Variants in NME7 observed in about 807,000 individuals in gnomAD.
NME7 encodes NME/NM23 family member 7, also known as nucleoside diphosphate kinase 7.
A neutral mutation model predicts 49.1 loss-of-function variants in NME7; 41 were observed. That is an observed-to-expected ratio of 0.83 (90% CI 0.65 to 1.08). NME7 has a LOEUF of 1.08. Ranked by LOEUF, NME7 falls within the 50% of genes least tolerant of loss-of-function variation. The pLI is 0.00. For synonymous variants in NME7, 139 were observed against 150.6 expected (o/e 0.92, Z 0.56); for missense variants, 423 against 463.4 (o/e 0.91, Z 0.80).
chr1:169,299,355 T>C (rs1466715112), intron 5 of NME7, among the ~76,000 whole-genome samples: 1 of 152,154 alleles, frequency 6.6e-6, no homozygotes, highest in Non-Finnish European at 1.5e-5. Flanking sequence ...TATTAAATTA[T>C]TAAAGTGTAC....
At chr1:169,140,239 A>G (rs1001878041) in intron 11 of NME7, among the ~76,000 whole-genome samples, 5 of 152,184 alleles carry the variant, frequency 3.3e-5, no homozygotes, top group South Asian at 2.1e-4. Context: ...AAACTTTTCT[A>G]TAAGTCTGAA....
chr1:169,276,106 T>C, intron 7 of NME7, among the ~76,000 whole-genome samples: 1 of 119,040 alleles, frequency 8.4e-6, no homozygotes, highest in Non-Finnish European at 2.0e-5. Flanking sequence ...TTATTGAGGA[T>C]TTTTGCATCA....
chr1:169,301,769 T>C (rs912179249), intron 5 of NME7, among the ~76,000 whole-genome samples: 1 of 152,086 alleles, frequency 6.6e-6, no homozygotes, highest in African/African-American at 2.4e-5. Context: ...TCCTTGGCAA[T>C]AATATGGACA....
rs1660217356 is a variant in NME7, at chr1:169,191,109, G to A, written c.991-21555C>T. ...TTACAGGCGTGAGCCACCGCGCCCG[G>A]CCGCAAGTGAACTGTTTCTAAGAAA... On this transcript the variant is annotated intron_variant, in intron 10 of 11. Transcript: ENST00000367811. Among the ~76,000 whole-genome samples the A allele has an allele frequency of 1.3e-5, 2 of 151,824 alleles. 1 individual carries two copies. Among genetic ancestry groups the A allele is most frequent in the South Asian group, 4.2e-4 (2 of 4,818 alleles).
intron 1 of NME7, among the ~76,000 whole-genome samples, chr1:169,339,678 T>C (rs1652611684): frequency 1.3e-5 from 2 of 152,206 alleles, no homozygotes; most frequent in Admixed American, 1.3e-4. Context: ...ATTTTCCATT[T>C]GTCATTTTCC....
intron 6 of NME7, among the ~76,000 whole-genome samples, chr1:169,296,703 C>T (rs1650722376): frequency 6.6e-6 from 1 of 152,040 alleles, no homozygotes; most frequent in Non-Finnish European, 1.5e-5. Context: ...ACTCTAGCCA[C>T]AGTTTTCCTC....
chr1:169,293,245 A>G (rs1290867772), intron 6 of NME7, among the ~76,000 whole-genome samples: 1 of 151,022 alleles, frequency 6.6e-6, no homozygotes, highest in Non-Finnish European at 1.5e-5. Context: ...ATAGAGAACT[A>G]TTATCACACC....
intron 1 of NME7, among the ~76,000 whole-genome samples, chr1:169,340,548 G>C (rs942923725): frequency 6.6e-6 from 1 of 152,196 alleles, no homozygotes; most frequent in Non-Finnish European, 1.5e-5. Context: ...TTTGGAACTG[G>C]GTAACAGGCA....
chr1:169,269,770 T>G (rs1254208304), intron 7 of NME7, among the ~76,000 whole-genome samples: 1 of 134,276 alleles, frequency 7.4e-6, no homozygotes, highest in Non-Finnish European at 1.8e-5. Flanking sequence ...TACAAATTGG[T>G]CAATATTCTA....
At position 169,278,901 on chromosome 1, in the gene NME7, C is replaced by T. The variant is rs186232338; in HGVS notation, c.754+8402G>A. 1.5e-3 allele frequency among the ~76,000 whole-genome samples: 232 copies of T among 152,276 alleles called. 2 individuals are homozygous for T. The highest frequency in any genetic ancestry group is 5.3e-3 in the African/African-American group (219 of 41,578). On this transcript the variant is annotated intron_variant, in intron 7 of 11. Transcript: ENST00000367811. Reference sequence around the variant, plus strand: ...TTCTGTTTGTTAGTTTTCCTTCTAACAGACAGGACCCTCCGCTGCAGGTCT... The same window carrying T: ...TTCTGTTTGTTAGTTTTCCTTCTAATAGACAGGACCCTCCGCTGCAGGTCT...
chr1:169,274,119 C>T (rs1649604546), intron 7 of NME7, among the ~76,000 whole-genome samples: 1 of 130,942 alleles, frequency 7.6e-6, no homozygotes, highest in African/African-American at 2.6e-5. Flanking sequence ...ACATCCTCTC[C>T]AGCACCTGTT....
intron 10 of NME7, among the ~76,000 whole-genome samples, chr1:169,206,476 G>T (rs1056193352): frequency 1.3e-5 from 2 of 152,022 alleles, no homozygotes; most frequent in Non-Finnish European, 2.9e-5. Flanking sequence ...AGCTGTCTTG[G>T]GTTAATGCTT....
chr1:169,364,936 A>G (rs1213031436), intron 1 of NME7, among the ~76,000 whole-genome samples: 1 of 152,200 alleles, frequency 6.6e-6, no homozygotes, highest in African/African-American at 2.4e-5. Flanking sequence ...ATAATTTCTT[A>G]CTATTCAGAA....
intron 9 of NME7, among the ~76,000 whole-genome samples, chr1:169,233,447 G>A (rs192883878): frequency 1.3e-5 from 2 of 152,250 alleles, no homozygotes; most frequent in African/African-American, 4.8e-5. Context: ...GTGAGACTAC[G>A]GGAAAGTAGT....
At chr1:169,179,769 A>C (rs1214624555) in intron 10 of NME7, among the ~76,000 whole-genome samples, 1 of 152,190 alleles carries the variant, frequency 6.6e-6, no homozygotes, top group African/African-American at 2.4e-5. Context: ...AAACACAGGG[A>C]CACATGGAGG....
intron 7 of NME7, among the ~76,000 whole-genome samples, chr1:169,265,410 A>T (rs1489430833): frequency 7.5e-6 from 1 of 133,542 alleles, no homozygotes; most frequent in African/African-American, 2.6e-5. Context: ...TTAAGGCAGA[A>T]ATCAAGAAGT....
At chr1:169,339,649 G>C (rs1652610126) in intron 1 of NME7, among the ~76,000 whole-genome samples, 1 of 152,168 alleles carries the variant, frequency 6.6e-6, no homozygotes, top group Non-Finnish European at 1.5e-5. Flanking sequence ...TACTTGGTCT[G>C]AAAGTGGATG....
intron 10 of NME7, among the ~76,000 whole-genome samples, chr1:169,192,276 G>C (rs1157070023): frequency 6.6e-6 from 1 of 152,108 alleles, no homozygotes; most frequent in Non-Finnish European, 1.5e-5. Flanking sequence ...AGACAGTATA[G>C]CTGGCCCTCT....
At chr1:169,294,051 C>T (rs1650616977) in intron 6 of NME7, among the ~76,000 whole-genome samples, 1 of 152,012 alleles carries the variant, frequency 6.6e-6, no homozygotes, top group South Asian at 2.1e-4. Flanking sequence ...GTACAAATTA[C>T]AGATACAGGT....
Sources: gnomAD v4.1 joint callset for allele counts (sites outside exome capture counted in the v4.1 genomes callset) on GRCh38, gnomAD v4.1.1 for gene constraint, MANE v1.5 for transcripts, NCBI Gene and HGNC (gene_info 2026-07-23, HGNC 2026-07-21) for gene names.